Variants in CNTN5 observed in about 807,000 individuals in gnomAD.
CNTN5 encodes the protein contactin-5.
A neutral mutation model predicts 129.1 loss-of-function variants in CNTN5; 77 were observed. That is an observed-to-expected ratio of 0.60 (90% CI 0.50 to 0.72). The LOEUF (loss-of-function observed/expected upper bound fraction) is 0.72, where lower values mean the gene tolerates loss of function less well. Ranked by LOEUF, CNTN5 falls within the 30% of genes least tolerant of loss-of-function variation. The pLI, the probability that CNTN5 is intolerant of heterozygous loss-of-function variation, is 0.00. For missense variants in CNTN5, 1,478 were observed against 1,328.8 expected (o/e 1.11, Z -1.75); for synonymous variants, 509 against 465.6 (o/e 1.09, Z -1.20).
intron 13 of CNTN5, among the ~76,000 whole-genome samples, chr11:100,124,488 A>C (rs905303480): frequency 6.6e-6 from 1 of 152,038 alleles, no homozygotes; most frequent in Non-Finnish European, 1.5e-5. Flanking sequence ...AAAGAAATAA[A>C]GATGAGAGGC....
intron 2 of CNTN5, among the ~76,000 whole-genome samples, chr11:99,429,376 AC>A (rs1184122816): frequency 2.6e-5 from 4 of 152,048 alleles, no homozygotes; most frequent in African/African-American, 9.7e-5. Flanking sequence ...CTTTTATTCC[AC>A]CCCTACTTTA....
chr11:99,726,319 A>G (rs771878591), intron 3 of CNTN5, among the ~76,000 whole-genome samples: 45 of 152,180 alleles, frequency 3.0e-4, no homozygotes, highest in Non-Finnish European at 2.9e-4. Flanking sequence ...TTAATAGCAA[A>G]GTATTTTATA....
chr11:100,168,839 C>T (rs1416591610), intron 13 of CNTN5, among the ~76,000 whole-genome samples: 1 of 151,866 alleles, frequency 6.6e-6, no homozygotes, highest in Non-Finnish European at 1.5e-5. Flanking sequence ...AAAATGTTTA[C>T]CATTGTAGAT....
At chr11:99,960,885 G>A (rs1354849104) in intron 8 of CNTN5, among the ~76,000 whole-genome samples, 2 of 152,140 alleles carry the variant, frequency 1.3e-5, no homozygotes, top group South Asian at 2.1e-4. Context: ...GGAGAAGGTA[G>A]AGAGATAATA....
At chr11:99,414,544 T>C (rs189477563) in intron 2 of CNTN5, among the ~76,000 whole-genome samples, 3 of 152,154 alleles carry the variant, frequency 2.0e-5, no homozygotes, top group Admixed American at 2.0e-4. Flanking sequence ...AATGAACAAA[T>C]ACATATACAG....
At chr11:100,304,096 T>C (rs1951291546) in intron 20 of CNTN5, among the ~76,000 whole-genome samples, 1 of 151,576 alleles carries the variant, frequency 6.6e-6, no homozygotes, top group Non-Finnish European at 1.5e-5. Context: ...AGCTGCTAGG[T>C]CACTTAATAC....
At chr11:99,369,024 A>C (rs1209795901) in intron 2 of CNTN5, among the ~76,000 whole-genome samples, 1 of 151,890 alleles carries the variant, frequency 6.6e-6, no homozygotes, top group East Asian at 1.9e-4. Flanking sequence ...TTTGGCACCC[A>C]TGGAAGTTAG....
intron 3 of CNTN5, among the ~76,000 whole-genome samples, chr11:99,736,621 G>T (rs943035063): frequency 6.6e-6 from 1 of 152,138 alleles, no homozygotes; most frequent in Non-Finnish European, 1.5e-5. Context: ...CTTGTTTCAA[G>T]CTCAGGAAAC....
In CNTN5 at chr11:99,082,404, C is replaced by T. The variant is rs1411496441; in HGVS notation, c.-210+61134C>T. ...TTCACCATGTTGGCCAGGGTGGTCTCGATCTCTTGACCTCGTGATCCGCCC... is the reference window on the plus strand; with the variant it reads ...TTCACCATGTTGGCCAGGGTGGTCTTGATCTCTTGACCTCGTGATCCGCCC... On this transcript the variant is annotated intron_variant, in intron 1 of 24. Transcript: ENST00000524871. Among the ~76,000 whole-genome samples the T allele has an allele frequency of 3.3e-5, 5 of 152,158 alleles. No homozygotes were observed. In the East Asian group the frequency reaches 7.8e-4, roughly 24 times the overall value.
chr11:99,096,443 G>T (rs909244305), intron 1 of CNTN5, among the ~76,000 whole-genome samples: 8 of 151,648 alleles, frequency 5.3e-5, no homozygotes, highest in Admixed American at 5.3e-4. Flanking sequence ...AAGAACAGTC[G>T]CCTAATTGTT....
intron 13 of CNTN5, among the ~76,000 whole-genome samples, chr11:100,138,336 G>A (rs1409862251): frequency 6.6e-6 from 1 of 151,894 alleles, no homozygotes; most frequent in Non-Finnish European, 1.5e-5. Flanking sequence ...CTATGTACTA[G>A]GCGCTTTTCT....
chr11:99,906,814 A>C (rs2135972273), intron 6 of CNTN5, among the ~76,000 whole-genome samples: 1 of 152,114 alleles, frequency 6.6e-6, no homozygotes, highest in Non-Finnish European at 1.5e-5. Context: ...TTACTGCCTC[A>C]ATTTCAGAGT....
intron 13 of CNTN5, among the ~76,000 whole-genome samples, chr11:100,149,439 C>G (rs890013759): frequency 2.0e-5 from 3 of 152,044 alleles, no homozygotes; most frequent in African/African-American, 7.2e-5. Flanking sequence ...GATGAAATAT[C>G]TGACACCATA....
intron 3 of CNTN5, among the ~76,000 whole-genome samples, chr11:99,559,213 G>A (rs1313488213): frequency 1.3e-5 from 2 of 152,092 alleles, no homozygotes; most frequent in African/African-American, 4.8e-5. Flanking sequence ...TTACGAAAAT[G>A]AGGGCCATTA....
intron 6 of CNTN5, among the ~76,000 whole-genome samples, chr11:99,861,466 G>A (rs1319418039): frequency 6.6e-6 from 1 of 152,134 alleles, no homozygotes; most frequent in Non-Finnish European, 1.5e-5. Flanking sequence ...AAGAGAAGAT[G>A]CATGCCAACT....
chr11:99,269,530 T>C (rs995578544), intron 1 of CNTN5, among the ~76,000 whole-genome samples: 1 of 151,886 alleles, frequency 6.6e-6, no homozygotes, highest in Non-Finnish European at 1.5e-5. Context: ...GAAATGATCT[T>C]GTACTATGCG....
At chr11:99,949,163 C>T (rs1161538086) in intron 7 of CNTN5, among the ~76,000 whole-genome samples, 1 of 152,098 alleles carries the variant, frequency 6.6e-6, no homozygotes, top group Non-Finnish European at 1.5e-5. Flanking sequence ...GTTGTCAAAT[C>T]ATATCTGAGA....
rs144504403 is a variant in CNTN5, at chr11:99,806,445, T to C, written c.56-13099T>C. On this transcript the variant is annotated intron_variant, in intron 3 of 24. Transcript: ENST00000524871. Reference sequence around the variant, plus strand: ...ATGTATGTGAGTGAGTGTGTGTGTGTATTGTCTTTAGAGTTATTCTGACTG... The same window carrying C: ...ATGTATGTGAGTGAGTGTGTGTGTGCATTGTCTTTAGAGTTATTCTGACTG... Among the ~76,000 whole-genome samples, 1,388 of 152,256 alleles carry C rather than the reference T, an allele frequency of 9.1e-3. 9 individuals are homozygous for C. The highest frequency in any genetic ancestry group is 0.015 in the Non-Finnish European group (1,012 of 68,020).
chr11:99,022,461 C>A (rs1862917048), intron 1 of CNTN5, among the ~76,000 whole-genome samples: 1 of 152,054 alleles, frequency 6.6e-6, no homozygotes, highest in African/African-American at 2.4e-5. Flanking sequence ...TGCCTGTAGT[C>A]AATTTTGAGC....
Sources: gnomAD v4.1 joint callset for allele counts (sites outside exome capture counted in the v4.1 genomes callset) on GRCh38, gnomAD v4.1.1 for gene constraint, MANE v1.5 for transcripts, NCBI Gene and HGNC (gene_info 2026-07-23, HGNC 2026-07-21) for gene names.